The following KCNU1 variants were observed in gnomAD, a reference collection of about 807,000 sequenced individuals.
KCNU1 encodes potassium channel subfamily U member 1.
In KCNU1, 93 loss-of-function variants were observed where a neutral mutation model predicts 126.8. The observed-to-expected ratio is 0.73, with a 90% CI of 0.62 to 0.87. KCNU1 has a LOEUF of 0.87. Ranked by LOEUF, KCNU1 falls within the 40% of genes least tolerant of loss-of-function variation. The pLI, the probability that KCNU1 is intolerant of heterozygous loss-of-function variation, is 0.00. For synonymous variants in KCNU1, 523 were observed against 494.2 expected (o/e 1.06, Z -0.77); for missense variants, 1,330 against 1,367.1 (o/e 0.97, Z 0.43).
intron 19 of KCNU1, among the ~76,000 whole-genome samples, chr8:36,902,953 G>A (rs1394972562): frequency 6.6e-6 from 1 of 152,102 alleles, no homozygotes. Context: ...AAGCTTATAT[G>A]TTACATTGTC....
intron 8 of KCNU1, 163 bp downstream of exon 8, chr8:36,814,540 C>A: frequency 1.7e-6 from 1 of 585,574 alleles, no homozygotes; most frequent in East Asian, 2.8e-5. Flanking sequence ...GTTTTCCAAA[C>A]TGCATCCCCT....
intron 19 of KCNU1, among the ~76,000 whole-genome samples, chr8:36,879,211 G>GTGTGTATA (rs541223094): frequency 6.9e-5 from 7 of 101,758 alleles, no homozygotes; most frequent in Non-Finnish European, 1.2e-4. Context: ...GTGTGTGTGT[G>GTGTGTATA]TATATATATA....
At position 36,845,885 on chromosome 8, in the gene KCNU1, G is replaced by T. The variant is rs780898444; in HGVS notation, c.1877G>T (p.Arg626Leu). 2.5e-6 allele frequency: 4 copies of T among 1,593,892 alleles called. No homozygotes were observed. The highest frequency in any genetic ancestry group is 3.4e-6 in the Non-Finnish European group (4 of 1,167,362). The change falls in exon 18 of 27, where the codon CGG becomes CTG. Residue 626 changes from arginine (R) to leucine (L), a missense_variant. Physicochemically the swap from Arg to Leu is moderately radical, Grantham distance 102. Around this residue, in one of 3 missense-constraint regions of KCNU1, gnomAD observed 1,054 missense variants for 1,053.9 expected, o/e 1.00. Transcript: ENST00000399881. ...ITNCGCKSRS[R>L]QHITVPSVKR... Reference sequence around the variant, plus strand: ...AACTGTGGCTGCAAAAGCAGAAGCCGGCAGCACATCACAGGTAATTGCACT... The same window carrying T: ...AACTGTGGCTGCAAAAGCAGAAGCCTGCAGCACATCACAGGTAATTGCACT...
chr8:36,784,885 G>A (rs927493522), intron 1 of KCNU1, among the ~76,000 whole-genome samples: 1 of 152,072 alleles, frequency 6.6e-6, no homozygotes, highest in African/African-American at 2.4e-5. Flanking sequence ...TCACTGTTCT[G>A]AAAAAAAGTT....
At chr8:36,816,505 G>A (rs950534231) in intron 9 of KCNU1, among the ~76,000 whole-genome samples, 4 of 152,028 alleles carry the variant, frequency 2.6e-5, no homozygotes, top group Admixed American at 6.6e-5. Flanking sequence ...ACTATGAAGA[G>A]GAAAGGAAAA....
chr8:36,870,051 T>G (rs1806045950), intron 19 of KCNU1, among the ~76,000 whole-genome samples: 1 of 152,210 alleles, frequency 6.6e-6, no homozygotes, highest in Non-Finnish European at 1.5e-5. Flanking sequence ...AGTCGGCCTA[T>G]AGCTTGCCAT....
chr8:36,814,814 G>A (rs376021899), intron 8 of KCNU1, among the ~76,000 whole-genome samples: 6 of 152,168 alleles, frequency 3.9e-5, no homozygotes, highest in Non-Finnish European at 7.4e-5. Context: ...CCTGGCTTAC[G>A]AATGTAGCAA....
chr8:36,909,183 T>C (rs1257859850), intron 20 of KCNU1, 128 bp from the exon 21 acceptor site: 4 of 659,152 alleles, frequency 6.1e-6, no homozygotes, highest in Non-Finnish European at 1.1e-5. Flanking sequence ...TTTGCAAAAT[T>C]CTATTCACCT....
At chr8:36,903,317 T>A (rs146981543) in intron 19 of KCNU1, among the ~76,000 whole-genome samples, 1 of 152,106 alleles carries the variant, frequency 6.6e-6, no homozygotes, top group Non-Finnish European at 1.5e-5. Flanking sequence ...CATTGAATAA[T>A]AAACTGTATT....
chr8:36,832,984 A>T (rs780872784), intron 10 of KCNU1, among the ~76,000 whole-genome samples: 12 of 152,058 alleles, frequency 7.9e-5, no homozygotes, highest in Non-Finnish European at 1.6e-4. Flanking sequence ...TGTTTTGGTT[A>T]ACTTCTAAGT....
chr8:36,832,349 T>C (rs1474436433), intron 10 of KCNU1, among the ~76,000 whole-genome samples: 1 of 152,104 alleles, frequency 6.6e-6, no homozygotes, highest in Non-Finnish European at 1.5e-5. Flanking sequence ...ATTACCTTGG[T>C]CAATATGGCC....
In KCNU1 at chr8:36,931,090, AC is replaced by A. The variant is rs1477787696; in HGVS notation, c.2878del (p.Arg960GlyfsTer31). 1 of 1,611,608 alleles carries A rather than the reference AC, an allele frequency of 6.2e-7. No individual in the cohort carries two copies. Among genetic ancestry groups the A allele is most frequent in the African/African-American group, 1.3e-5 (1 of 74,886 alleles). On this transcript the variant is annotated frameshift_variant, in exon 25 of 27. Transcript: ENST00000399881. LOFTEE classifies it high-confidence loss of function. Reference protein sequence around the residue: ...DSCTSLLSGRNRCKLGLLSLH... With the variant: ...DSCTSLLSGRXRCKLGLLSLH... Reference sequence around the variant, plus strand: ...TGCACGTCGCTCTTGTCTGGAAGAAACCGGTGTAAGCTGGGGCTTCTGTCCT... The same window carrying A: ...TGCACGTCGCTCTTGTCTGGAAGAAACGGTGTAAGCTGGGGCTTCTGTCCT...
intron 19 of KCNU1, among the ~76,000 whole-genome samples, chr8:36,878,011 C>G (rs919911087): frequency 6.6e-6 from 1 of 152,058 alleles, no homozygotes; most frequent in African/African-American, 2.4e-5. Context: ...AAGAATATTC[C>G]AAAACTCAAC....
At chr8:36,868,798 A>G (rs1806000346) in intron 19 of KCNU1, among the ~76,000 whole-genome samples, 1 of 152,144 alleles carries the variant, frequency 6.6e-6, no homozygotes, top group South Asian at 2.1e-4. Flanking sequence ...CTTGAATTTT[A>G]TGTCCTTAAA....
At chr8:36,837,418 A>C (rs1367092581) in intron 14 of KCNU1, among the ~76,000 whole-genome samples, 1 of 152,232 alleles carries the variant, frequency 6.6e-6, no homozygotes, top group Non-Finnish European at 1.5e-5. Context: ...AGGTTGTTTA[A>C]GGGAGCATTC....
intron 24 of KCNU1, among the ~76,000 whole-genome samples, chr8:36,925,224 G>A (rs1448160685): frequency 2.0e-5 from 3 of 152,180 alleles, no homozygotes; most frequent in Non-Finnish European, 4.4e-5. Context: ...TGAGGTCATT[G>A]CATGAGATCA....
chr8:36,805,346 A>T, intron 4 of KCNU1, 61 bp downstream of exon 4: 1 of 985,424 alleles, frequency 1.0e-6, no homozygotes. Flanking sequence ...CATACAGAGA[A>T]CTAACTGTGT....
chr8:36,871,410 T>TAGAGAG (rs141894674), intron 19 of KCNU1, among the ~76,000 whole-genome samples: 1 of 147,926 alleles, frequency 6.8e-6, no homozygotes, highest in Non-Finnish European at 1.5e-5. Flanking sequence ...TATATATACA[T>TAGAGAG]AGAGAGAGAG....
chr8:36,913,529 T>C (rs1807970050), intron 22 of KCNU1, among the ~76,000 whole-genome samples: 1 of 152,162 alleles, frequency 6.6e-6, no homozygotes, highest in East Asian at 1.9e-4. Flanking sequence ...TAGATGCAGA[T>C]AGGCTCTAAG....
Sources: allele counts gnomAD v4.1 joint callset (sites outside exome capture counted in the v4.1 genomes callset), GRCh38; gene constraint gnomAD v4.1.1; regional missense constraint gnomAD v4.1.1; transcripts MANE v1.5; gene names NCBI Gene and HGNC (gene_info 2026-07-23, HGNC 2026-07-21).